Variants in PUDP observed in about 807,000 individuals in gnomAD.
PUDP encodes the protein pseudouridine-5'-phosphatase.
Under a neutral mutation model 9.4 loss-of-function variants are expected in PUDP, and 8 were observed. The observed-to-expected ratio is 0.85, with a 90% CI of 0.50 to 1.53. The LOEUF (loss-of-function observed/expected upper bound fraction) is 1.53. Ranked by LOEUF, PUDP falls within the 40% of genes most tolerant of loss-of-function variation. PUDP has a pLI of 0.00. For synonymous variants in PUDP, 99 were observed against 80.7 expected (o/e 1.23, Z -1.22); for missense variants, 188 against 189.7 (o/e 0.99, Z 0.05).
At chrX:7,067,679 TAAC>T (rs1294949238) in intron 3 of PUDP, among the ~76,000 whole-genome samples, 1 of 111,547 alleles carries the variant, frequency 9.0e-6, no homozygotes, top group Non-Finnish European at 1.9e-5. Flanking sequence ...GTTTGTGAAA[TAAC>T]AGTACAGAAG....
intron 1 of PUDP, among the ~76,000 whole-genome samples, chrX:6,713,212 C>T (rs1318330677): frequency 1.8e-5 from 2 of 112,071 alleles, no homozygotes; most frequent in Non-Finnish European, 3.8e-5. Context: ...GAAAGGATCA[C>T]TAATTATTTA....
intron 3 of PUDP, among the ~76,000 whole-genome samples, chrX:6,827,090 T>A (rs973268514): frequency 8.9e-6 from 1 of 112,038 alleles, no homozygotes; most frequent in African/African-American, 3.2e-5. Context: ...TACCTTCTAC[T>A]CTCAAACAAG....
chrX:6,841,801 G>A (rs1451641456), intron 3 of PUDP, among the ~76,000 whole-genome samples: 1 of 111,175 alleles, frequency 9.0e-6, no homozygotes, highest in Admixed American at 9.6e-5. Context: ...GGATCTCACT[G>A]TGTTGCCCAG....
At chrX:6,804,868 AT>A (rs2146697541) in intron 3 of PUDP, among the ~76,000 whole-genome samples, 1 of 112,171 alleles carries the variant, frequency 8.9e-6, no homozygotes, top group East Asian at 2.8e-4. Flanking sequence ...AAACTAAAGA[AT>A]TGCAGAGGTT....
intron 3 of PUDP, among the ~76,000 whole-genome samples, chrX:6,948,560 T>C (rs768896979): frequency 5.4e-5 from 6 of 112,030 alleles, no homozygotes; most frequent in Non-Finnish European, 9.4e-5. Context: ...TGGGGTGGGG[T>C]CCAATGGTCC....
chrX:6,705,961 T>G (rs1395453552), intron 2 of PUDP, among the ~76,000 whole-genome samples: 1 of 112,509 alleles, frequency 8.9e-6, no homozygotes, highest in African/African-American at 3.2e-5. Context: ...CACAATGGAA[T>G]ATAATACAGC....
In PUDP at chrX:7,049,744, T is replaced by C. The variant is rs1459070441; in HGVS notation, c.*552A>G. The stretch of plus-strand genomic sequence containing the variant: ...TTGACATCAACACTGAGGAGAGTGA[T>C]GCAGACGATAGATATAAACATATCT... On this transcript the variant is annotated 3_prime_UTR_variant, in exon 4 of 4. Coordinates refer to ENST00000381077, the MANE Select transcript of PUDP (RefSeq NM_012080.5). The C allele has an allele frequency of 8.9e-6, 1 of 112,383 alleles. No individual in the cohort carries two copies. Among genetic ancestry groups the C allele is most frequent in the Non-Finnish European group, 1.9e-5 (1 of 53,338 alleles). 9.3% of individuals were successfully genotyped at this position (112,383 alleles called of 1,213,427 possible). A position where few individuals can be genotyped will look rare whatever the true frequency, so the allele number is the denominator to read the frequency against.
chrX:6,836,789 T>G (rs1926589625), intron 3 of PUDP, among the ~76,000 whole-genome samples: 1 of 111,397 alleles, frequency 9.0e-6, no homozygotes, highest in Admixed American at 9.6e-5. Context: ...TTCTGGGGAG[T>G]AGAATATAAA....
At chrX:6,878,369 C>CT (rs11447707) in intron 3 of PUDP, among the ~76,000 whole-genome samples, 8,661 of 99,026 alleles carry the variant, frequency 0.087, 548 homozygotes, top group East Asian at 0.45. Context: ...GTTTTCCTGG[C>CT]TTTTTTTTTT....
intron 3 of PUDP, among the ~76,000 whole-genome samples, chrX:6,883,713 T>C (rs2146741516): frequency 9.0e-6 from 1 of 111,323 alleles, no homozygotes; most frequent in South Asian, 3.8e-4. Flanking sequence ...TCATAATAAT[T>C]ATTATGTTTT....
chrX:6,913,903 C>A (rs780662916), intron 3 of PUDP, among the ~76,000 whole-genome samples: 1 of 110,523 alleles, frequency 9.0e-6, no homozygotes, highest in Non-Finnish European at 1.9e-5. Flanking sequence ...AGATCTGTGC[C>A]CCCCCAACTG....
At chrX:6,944,787 C>T (rs779886987) in intron 3 of PUDP, among the ~76,000 whole-genome samples, 20 of 111,429 alleles carry the variant, frequency 1.8e-4, no homozygotes, top group African/African-American at 6.2e-4. Context: ...GAGGACTGAG[C>T]TCCGACTGCA....
intron 1 of PUDP, among the ~76,000 whole-genome samples, chrX:7,112,163 G>A (rs1932069700): frequency 9.0e-6 from 1 of 111,433 alleles, no homozygotes; most frequent in African/African-American, 3.3e-5. Context: ...TGAAAACACT[G>A]CAAAATCTGT....
chrX:7,012,624 C>T (rs754241616), intron 1 of PUDP, among the ~76,000 whole-genome samples: 1 of 111,279 alleles, frequency 9.0e-6, no homozygotes, highest in East Asian at 2.8e-4. Context: ...GGACTTTAAA[C>T]CTGCAGAAGC....
intron 3 of PUDP, chrX:7,057,564 G>A (rs1434251705): frequency 1.1e-6 from 1 of 936,093 alleles, no homozygotes; most frequent in African/African-American, 2.0e-5. Flanking sequence ...TCATGTTTCT[G>A]ATGTGGTGGG....
intron 1 of PUDP, among the ~76,000 whole-genome samples, chrX:7,009,488 A>G (rs1929447610): frequency 8.9e-6 from 1 of 112,622 alleles, no homozygotes; most frequent in Non-Finnish European, 1.9e-5. Flanking sequence ...AGACCAATTA[A>G]TTCTTCGGCC....
intron 3 of PUDP, among the ~76,000 whole-genome samples, chrX:6,895,910 G>A (rs1399020548): frequency 1.8e-5 from 2 of 110,680 alleles, no homozygotes; most frequent in African/African-American, 3.3e-5. Context: ...CGTGGGGGAA[G>A]GGGCGAGGGA....
At chrX:6,842,887 A>G (rs1352993889) in intron 3 of PUDP, among the ~76,000 whole-genome samples, 2 of 112,273 alleles carry the variant, frequency 1.8e-5, no homozygotes, top group Non-Finnish European at 3.8e-5. Flanking sequence ...ATTTTTGCCA[A>G]CTTATCCAGA....
Position 7,130,997 on chromosome X carries a change from G to A in PUDP, c.61+17056C>T, listed in dbSNP as rs188259462. ...ATGTCAGTTTTCTTCATGGGTTAAC[G>A]GCACCAAGAGTTTTGTTTGTCTTAA... On this transcript the variant is annotated intron_variant, in intron 1 of 3. Coordinates refer to ENST00000381077, the MANE Select transcript of PUDP (RefSeq NM_012080.5). Among the ~76,000 whole-genome samples the A allele has an allele frequency of 4.4e-3, 491 of 112,086 alleles. 1 individual carries two copies. The highest frequency in any genetic ancestry group is 7.3e-3 in the Admixed American group (78 of 10,644).
Sources: allele counts gnomAD v4.1 joint callset (sites outside exome capture counted in the v4.1 genomes callset), GRCh38; gene constraint gnomAD v4.1.1; transcripts MANE v1.5; gene names NCBI Gene and HGNC (gene_info 2026-07-23, HGNC 2026-07-21).